Variants in TMEM109 observed in about 807,000 individuals in gnomAD.
TMEM109 encodes voltage-gated monoatomic cation channel TMEM109.
In TMEM109, 19 loss-of-function variants were observed where a neutral mutation model predicts 26.4. The observed-to-expected ratio is 0.72, with a 90% confidence interval of 0.50 to 1.06. TMEM109 has a LOEUF of 1.06. Among genes scored for constraint, TMEM109 ranks in the 50% least tolerant of loss-of-function variants. The pLI is 0.00. For synonymous variants in TMEM109, 129 were observed against 142.0 expected, an observed-to-expected ratio of 0.91 and a Z score of 0.65; for missense variants, 262 against 303.4, an observed-to-expected ratio of 0.86 and a Z score of 1.01.
rs1332555075 is a variant in TMEM109, at chr11:60,922,628, C to G, written c.*463C>G. The G allele has an allele frequency of 5.8e-6, 2 of 343,276 alleles. No homozygotes were observed. Among genetic ancestry groups the G allele is most frequent in the Non-Finnish European group, 1.1e-5 (2 of 173,920 alleles). 21.3% of individuals were successfully genotyped at this position (343,276 alleles called of 1,614,324 possible). A position where few individuals can be genotyped will look rare whatever the true frequency, so the allele number is the denominator to read the frequency against. On this transcript the variant is annotated 3_prime_UTR_variant, in exon 4 of 4. Coordinates refer to ENST00000227525, the MANE Select transcript of TMEM109 (RefSeq NM_024092.3). ...TTTCCTCATCCTCCTACCCTGTACTCCCACCAAACCATGGTCCTTTAAGGC... is the reference window on the plus strand; with the variant it reads ...TTTCCTCATCCTCCTACCCTGTACTGCCACCAAACCATGGTCCTTTAAGGC...
At position 60,921,644 on chromosome 11, in the gene TMEM109, A is replaced by G; in HGVS notation, c.341-130A>G. Reference sequence around the variant, plus strand: ...CAGAGCTGAGATTCCAACCCATATCACTCTGAGTCTGCGAGAACGGCTTAT... The same window carrying G: ...CAGAGCTGAGATTCCAACCCATATCGCTCTGAGTCTGCGAGAACGGCTTAT... On this transcript the variant is annotated intron_variant, in intron 3 of 3. Transcript: ENST00000227525. 4 of 708,750 alleles carry G rather than the reference A, an allele frequency of 5.6e-6. No individual in the cohort carries two copies. In the South Asian group the frequency reaches 7.0e-5, roughly 12 times the overall value. 43.9% of individuals were successfully genotyped at this position (708,750 alleles called of 1,614,324 possible).
chr11:60,919,591 G>A (rs1590616795), intron 1 of TMEM109, 95 bp from the exon 2 acceptor site: 4 of 1,032,932 alleles, frequency 3.9e-6, no homozygotes, highest in East Asian at 2.4e-5. Context: ...GTGCTTGCTT[G>A]GGGTAGGGGT....
chr11:60,921,505 A>ATTTT (rs1376293117), intron 3 of TMEM109, among the ~76,000 whole-genome samples: 1 of 152,110 alleles, frequency 6.6e-6, no homozygotes, highest in Non-Finnish European at 1.5e-5. Flanking sequence ...GTAGTATCTC[A>ATTTT]TTTAATTGCC....
intron 1 of TMEM109, among the ~76,000 whole-genome samples, chr11:60,914,681 A>G (rs1419378583): frequency 1.3e-5 from 2 of 152,208 alleles, no homozygotes; most frequent in Non-Finnish European, 2.9e-5. Flanking sequence ...GCTACCCCTC[A>G]GCGCTTGGCA....
At position 60,922,545 on chromosome 11, in the gene TMEM109, C is replaced by G; in HGVS notation, c.*380C>G. ...GCTGCCTTGGCTTCCTCCTAATGCT[C>G]GTGCTCTCCTGTCCTTCTGAAGTTG... On this transcript the variant is annotated 3_prime_UTR_variant, in exon 4 of 4. Transcript: ENST00000227525. 2.3e-6 allele frequency: 1 copy of G among 435,592 alleles called. No homozygotes were observed. The highest frequency in any genetic ancestry group is 3.5e-5 in the Admixed American group (1 of 28,566). 27.0% of individuals were successfully genotyped at this position (435,592 alleles called of 1,614,324 possible).
At position 60,922,387 on chromosome 11, in the gene TMEM109, T is replaced by G. The variant is rs1417820397; in HGVS notation, c.*222T>G. ...CTGAGGTTCTCTGTCTGGGGTTGGC[T>G]CTCTTAACCCTTTCTCTGCTCCCAG... On this transcript the variant is annotated 3_prime_UTR_variant, in exon 4 of 4. Transcript: ENST00000227525. 1 of 1,528,696 alleles carries G rather than the reference T, an allele frequency of 6.5e-7. No homozygotes were observed. The highest frequency in any genetic ancestry group is 1.4e-5 in the African/African-American group (1 of 72,900). The allele number at this position is 1,528,696 out of a possible 1,614,324, so 94.7% of individuals were successfully genotyped here. A position where few individuals can be genotyped will look rare whatever the true frequency, so the allele number is the denominator to read the frequency against.
In TMEM109 at chr11:60,922,261, C is replaced by G. The variant is rs1345213193; in HGVS notation, c.*96C>G. 1 of 1,546,642 alleles carries G rather than the reference C, an allele frequency of 6.5e-7. No homozygotes were observed. The highest frequency in any genetic ancestry group is 1.2e-5 in the South Asian group (1 of 83,428). Reference sequence around the variant, plus strand: ...GCCAGCCCCCTGCCCTTTTCTTGCCCTGTCTCTGAACCTTCAGAACATTGA... The same window carrying G: ...GCCAGCCCCCTGCCCTTTTCTTGCCGTGTCTCTGAACCTTCAGAACATTGA... On this transcript the variant is annotated 3_prime_UTR_variant, in exon 4 of 4. Transcript: ENST00000227525.
chr11:60,920,082 A>T lies in TMEM109; in HGVS notation c.237+152A>T, dbSNP rs186173432. The T allele has an allele frequency of 2.4e-4, 158 of 658,338 alleles. No homozygotes were observed. The East Asian group carries it at 3.5e-3, about 15-fold the overall frequency. The allele number at this position is 658,338 out of a possible 1,614,324, so 40.8% of individuals were successfully genotyped here. On this transcript the variant is annotated intron_variant, in intron 2 of 3. Coordinates refer to ENST00000227525, the MANE Select transcript of TMEM109 (RefSeq NM_024092.3). ...GAAGCCACACAGCACTTGTCTTTGA[A>T]TTCCTCGTTATTTGATTGCTGTCCT... is the stretch of plus-strand genomic sequence containing the variant.
At position 60,920,946 on chromosome 11, in the gene TMEM109, TC is replaced by T. The variant is rs1260449595; in HGVS notation, c.299del (p.Ser100LeufsTer8). ...SAISVAFFAL[S>X]GIAAQLLNAL... is the part of the protein sequence containing the mutation. ...CATTTCTGTGGCCTTCTTTGCTCTG[TC>T]TGGGATCGCCGCACAGCTGCTGAAT... On this transcript the variant is annotated frameshift_variant, in exon 3 of 4. Transcript: ENST00000227525. LOFTEE classifies it high-confidence loss of function. The T allele has an allele frequency of 1.9e-6, 3 of 1,614,090 alleles. No homozygotes were observed. The highest frequency in any genetic ancestry group is 2.5e-6 in the Non-Finnish European group (3 of 1,180,034).
In TMEM109 at chr11:60,919,720, A is replaced by G. The variant is rs749923050; in HGVS notation, c.27A>G (p.Pro9=). Residue 9 remains proline (P), a synonymous_variant, in exon 2 of 4, where the codon CCA becomes CCG. Coordinates refer to ENST00000227525, the MANE Select transcript of TMEM109 (RefSeq NM_024092.3). The part of the protein sequence containing the change: MAASSISS[P]WGKHVFKAIL... ...TGGCAGCCTCCAGCATCAGTTCACC[A>G]TGGGGAAAGCATGTGTTCAAAGCCA... The G allele has an allele frequency of 2.1e-5, 34 of 1,614,158 alleles. No homozygotes were observed. The South Asian group carries it at 3.6e-4, about 17-fold the overall frequency.
Position 60,921,890 on chromosome 11 carries a change from T to C in TMEM109, c.457T>C (p.Leu153=). 1 of 1,614,212 alleles carries C rather than the reference T, an allele frequency of 6.2e-7. No homozygotes were observed. Among genetic ancestry groups the C allele is most frequent in the Non-Finnish European group, 8.5e-7 (1 of 1,180,038 alleles). ...WLLSLLLGLV[L]ALLGRILWGL... ...GCTGTCTCTGCTCCTCGGCTTGGTC[T>C]TGGCCTTGCTGGGGCGGATCCTGTG... The change falls in exon 4 of 4, where the codon TTG becomes CTG. Residue 153 remains leucine, a synonymous_variant. Coordinates refer to ENST00000227525, the MANE Select transcript of TMEM109 (RefSeq NM_024092.3).
rs777962063 is a variant in TMEM109, at chr11:60,914,287, C to G, written c.-9+19C>G. The stretch of plus-strand genomic sequence containing the variant: ...GAGAAAGGTGAGAGCGGGCCGAGGT[C>G]GGAATGTGGGGCAGCGCACGGGAAG... On this transcript the variant is annotated intron_variant, in intron 1 of 3. Coordinates refer to ENST00000227525, the MANE Select transcript of TMEM109 (RefSeq NM_024092.3). 6.6e-6 allele frequency: 1 copy of G among 152,308 alleles called. No individual in the cohort carries two copies. Among genetic ancestry groups the G allele is most frequent in the Non-Finnish European group, 1.5e-5 (1 of 68,152 alleles). 9.4% of individuals were successfully genotyped at this position (152,308 alleles called of 1,614,324 possible).
Position 60,922,279 on chromosome 11 carries a change from A to C in TMEM109, c.*114A>C. On this transcript the variant is annotated 3_prime_UTR_variant, in exon 4 of 4. Coordinates refer to ENST00000227525, the MANE Select transcript of TMEM109 (RefSeq NM_024092.3). ...TCTTGCCCTGTCTCTGAACCTTCAG[A>C]ACATTGATCCTTGCCGCAGCCCCAC... is the stretch of plus-strand genomic sequence containing the variant. 7.8e-6 allele frequency: 12 copies of C among 1,544,358 alleles called. No homozygotes were observed. Among genetic ancestry groups the C allele is most frequent in the Non-Finnish European group, 1.0e-5 (12 of 1,146,782 alleles).
At position 60,920,983 on chromosome 11, in the gene TMEM109, T is replaced by C. The variant is rs201261079; in HGVS notation, c.335T>C (p.Leu112Pro). ...IAAQLLNALG[L>P]AGDYLAQGLK... is the part of the protein sequence containing the mutation. ...GCACAGCTGCTGAATGCCTTGGGAC[T>C]AGCTGGTGAGTGTTCGAGTGCTGGG... Residue 112 changes from leucine (L) to proline (P), a missense_variant, in exon 3 of 4, where the codon CTA becomes CCA. Leu to Pro is a moderately conservative substitution (Grantham distance 98, BLOSUM62 -3). Coordinates refer to ENST00000227525, the MANE Select transcript of TMEM109 (RefSeq NM_024092.3). 4.9e-4 allele frequency: 798 copies of C among 1,614,024 alleles called. 6 individuals carry two copies. The highest frequency in any genetic ancestry group is 1.6e-3 in the South Asian group (146 of 91,084).
In TMEM109 at chr11:60,919,869, G is replaced by A. The variant is rs147616072; in HGVS notation, c.176G>A (p.Arg59Gln). Reference sequence around the variant, plus strand: ...GTTGATGTCTTGACCCAGATAGGTCGATCTGTGCGAGGGACACTGGATGCC... The same window carrying A: ...GTTGATGTCTTGACCCAGATAGGTCAATCTGTGCGAGGGACACTGGATGCC... ...APVDVLTQIGRSVRGTLDAWI... is the reference protein window; with the variant it reads ...APVDVLTQIGQSVRGTLDAWI... Residue 59 changes from arginine (R) to glutamine (Q), a missense_variant, in exon 2 of 4, where the codon CGA becomes CAA. By Grantham distance (43) the Arg-to-Gln change is conservative (BLOSUM62 1). Coordinates refer to ENST00000227525, the MANE Select transcript of TMEM109 (RefSeq NM_024092.3). 63 of 1,614,076 alleles carry A rather than the reference G, an allele frequency of 3.9e-5. No homozygotes were observed. The highest frequency in any genetic ancestry group is 3.9e-4 in the African/African-American group (29 of 74,920).
intron 1 of TMEM109, among the ~76,000 whole-genome samples, chr11:60,914,803 C>G (rs1325254533): frequency 4.6e-5 from 7 of 152,268 alleles, no homozygotes; most frequent in Admixed American, 6.5e-5. Context: ...GTCGCCCTGC[C>G]CCCAAACAGT....
At chr11:60,914,934 C>T (rs1856157224) in intron 1 of TMEM109, among the ~76,000 whole-genome samples, 2 of 152,218 alleles carry the variant, frequency 1.3e-5, no homozygotes, top group African/African-American at 4.8e-5. Context: ...CTCAGCTGTG[C>T]TTCTCGTGTG....
chr11:60,923,401 G>A lies in TMEM109; in HGVS notation c.*1236G>A, dbSNP rs142212430. 6.5e-6 allele frequency: 1 copy of A among 152,730 alleles called. No individual in the cohort carries two copies. The highest frequency in any genetic ancestry group is 1.9e-4 in the East Asian group (1 of 5,186). 9.5% of individuals were successfully genotyped at this position (152,730 alleles called of 1,614,324 possible). A position where few individuals can be genotyped will look rare whatever the true frequency, so the allele number is the denominator to read the frequency against. On this transcript the variant is annotated 3_prime_UTR_variant, in exon 4 of 4. Coordinates refer to ENST00000227525, the MANE Select transcript of TMEM109 (RefSeq NM_024092.3). ...TTGGTTGGTTTTAAATAAAGTGCAC[G>A]CTATTTTATTATCTTGTTCTGAATA...
chr11:60,914,419 G>T (rs1443422174), intron 1 of TMEM109, among the ~76,000 whole-genome samples, 151 bp downstream of exon 1: 1 of 152,218 alleles, frequency 6.6e-6, no homozygotes, highest in Non-Finnish European at 1.5e-5. Flanking sequence ...CCGGGGACCC[G>T]GATCCCCGTT....
Sources: gnomAD v4.1 joint callset for allele counts (sites outside exome capture counted in the v4.1 genomes callset) on GRCh38, gnomAD v4.1.1 for gene constraint, MANE v1.5 for transcripts, NCBI Gene and HGNC (gene_info 2026-07-23, HGNC 2026-07-21) for gene names.